CHFR: variants seen among roughly 807,000 people sequenced by gnomAD.
The protein encoded by CHFR is checkpoint with forkhead and ring finger domains.
CHFR carries 57 observed loss-of-function variants against 87.6 expected under a neutral mutation model. That is an observed-to-expected ratio of 0.65 (90% CI 0.53 to 0.81). CHFR has a LOEUF of 0.81. Among genes scored for constraint, CHFR ranks in the 30% least tolerant of loss-of-function variants. The probability of loss-of-function intolerance (pLI) is 0.00; values close to 1 mark genes in which losing one functional copy is unlikely to be tolerated. For missense variants in CHFR, 797 were observed against 865.8 expected (o/e 0.92, Z 1.00); for synonymous variants, 381 against 359.2 (o/e 1.06, Z -0.69).
chr12:132,841,270 C>T lies in CHFR; in HGVS notation c.*284G>A, dbSNP rs996057076. 9 of 354,378 alleles carry T rather than the reference C, an allele frequency of 2.5e-5. No homozygotes were observed. The highest frequency in any genetic ancestry group is 7.1e-5 in the South Asian group (1 of 14,022). The allele number at this position is 354,378 out of a possible 1,614,324, so 22.0% of individuals were successfully genotyped here. On this transcript the variant is annotated 3_prime_UTR_variant, in exon 18 of 18. Transcript: ENST00000450056. Reference sequence around the variant, plus strand: ...AAAAGAGCAAAACTGCCCCTCTCGGCGGGACGGCCGCATGTTACAGAAAGG... The same window carrying T: ...AAAAGAGCAAAACTGCCCCTCTCGGTGGGACGGCCGCATGTTACAGAAAGG...
At chr12:132,872,051 T>G (rs1951502335) in intron 4 of CHFR, 3 of 461,062 alleles carry the variant, frequency 6.5e-6, no homozygotes, top group Non-Finnish European at 1.2e-5. Flanking sequence ...ATTTTGGGAT[T>G]GGCTGCTCAT....
chr12:132,872,903 C>A (rs1029010745), intron 3 of CHFR, among the ~76,000 whole-genome samples: 3 of 152,178 alleles, frequency 2.0e-5, no homozygotes, highest in African/African-American at 7.2e-5. Context: ...AGCTTGTGGT[C>A]TGGCTGCCAA....
At chr12:132,843,117 T>C (rs1028946628) in intron 16 of CHFR, 34 bp from the exon 17 acceptor site, 2 of 1,587,780 alleles carry the variant, frequency 1.3e-6, no homozygotes, top group African/African-American at 2.7e-5. Flanking sequence ...ATCTATGAGA[T>C]GTATTGCACG....
chr12:132,869,816 A>G lies in CHFR; in HGVS notation c.404-18T>C. 1 of 1,551,260 alleles carries G rather than the reference A, an allele frequency of 6.4e-7. No homozygotes were observed. Among genetic ancestry groups the G allele is most frequent in the Non-Finnish European group, 8.7e-7 (1 of 1,146,954 alleles). ...TGAGGTATCTTTGGTCCCATGGAAC[A>G]CATTTTCCTTGTTAGCTTCTGTAAC... On this transcript the variant is annotated intron_variant, in intron 5 of 17. Coordinates refer to ENST00000450056, the MANE Select transcript of CHFR (RefSeq NM_001161346.2).
At chr12:132,844,669 C>T (rs1950779511) in intron 15 of CHFR, among the ~76,000 whole-genome samples, 2 of 151,974 alleles carry the variant, frequency 1.3e-5, no homozygotes, top group Non-Finnish European at 1.5e-5. Context: ...CTTGCTCTGT[C>T]GCCCAGGCTA....
intron 3 of CHFR, among the ~76,000 whole-genome samples, chr12:132,872,892 G>A (rs1951523629): frequency 6.6e-6 from 1 of 152,206 alleles, no homozygotes; most frequent in South Asian, 2.1e-4. Flanking sequence ...CCTGCACTCA[G>A]AGCTTGTGGT....
chr12:132,886,999 G>T (rs1282016222), intron 2 of CHFR, among the ~76,000 whole-genome samples, 197 bp downstream of exon 2: 9 of 152,246 alleles, frequency 5.9e-5, no homozygotes, highest in African/African-American at 2.2e-4. Context: ...TTATACAGTT[G>T]TAACGAAGGC....
chr12:132,853,751 C>T (rs146337818), intron 10 of CHFR, 178 bp from the exon 11 acceptor site: 11 of 686,590 alleles, frequency 1.6e-5, no homozygotes, highest in South Asian at 4.6e-5. Context: ...GGGACCAGAA[C>T]GAGTCGAAGG....
In CHFR at chr12:132,836,786, C is replaced by G. The variant is rs150580748; in HGVS notation, c.*4768G>C. 720 of 455,996 alleles carry G rather than the reference C, an allele frequency of 1.6e-3. 10 individuals carry two copies. The highest frequency in any genetic ancestry group is 0.014 in the African/African-American group (688 of 50,172). The allele number at this position is 455,996 out of a possible 1,614,324, so 28.2% of individuals were successfully genotyped here. A position where few individuals can be genotyped will look rare whatever the true frequency, so the allele number is the denominator to read the frequency against. On this transcript the variant is annotated 3_prime_UTR_variant, in exon 18 of 18. Transcript: ENST00000450056. ...TTGTGCCGCGGGAAAGATTTCAAGC[C>G]CAGGGGACGGCTCATCAGCTCATCA...
intron 6 of CHFR, among the ~76,000 whole-genome samples, chr12:132,863,617 C>A (rs572171722): frequency 6.6e-6 from 1 of 152,118 alleles, no homozygotes; most frequent in Non-Finnish European, 1.5e-5. Context: ...GATGGTGCTG[C>A]GTGTGAACTA....
rs577761697 is a variant in CHFR, at chr12:132,834,429, G to C, written c.*7125C>G. On this transcript the variant is annotated 3_prime_UTR_variant, in exon 18 of 18. Transcript: ENST00000450056. ...CAAAAACCAAACGGGATGAGTGTGT[G>C]GGGGGTAGTGAGCTTCCTGTGGCTG... 3.9e-5 allele frequency: 6 copies of C among 152,322 alleles called. No individual in the cohort carries two copies. Among genetic ancestry groups the C allele is most frequent in the African/African-American group, 9.7e-5 (4 of 41,440 alleles). The allele number at this position is 152,322 out of a possible 1,614,324, so 9.4% of individuals were successfully genotyped here.
At chr12:132,850,120 A>G (rs893372931) in intron 12 of CHFR, among the ~76,000 whole-genome samples, 2 of 152,024 alleles carry the variant, frequency 1.3e-5, no homozygotes, top group Admixed American at 6.6e-5. Flanking sequence ...TACACGGCTA[A>G]TTTTTTGTAA....
At position 132,887,272 on chromosome 12, in the gene CHFR, G is replaced by C; in HGVS notation, c.57C>G (p.Leu19=). The change falls in exon 2 of 18, where the codon CTC becomes CTG. Residue 19 remains leucine (L), a synonymous_variant. Coordinates refer to ENST00000450056, the MANE Select transcript of CHFR (RefSeq NM_001161346.2). ...CGCCCTCCTCCGCGCCCAGACGCAG[G>C]AGCCGTCCCCAGGGCTGCGGCGGCG... The part of the protein sequence containing the change: ...QSPPPQPWGR[L]LRLGAEEGEP... 2.0e-6 allele frequency: 3 copies of C among 1,499,394 alleles called. No homozygotes were observed. Among genetic ancestry groups the C allele is most frequent in the Non-Finnish European group, 2.7e-6 (3 of 1,131,432 alleles). The allele number at this position is 1,499,394 out of a possible 1,614,324, so 92.9% of individuals were successfully genotyped here.
At position 132,887,240 on chromosome 12, in the gene CHFR, T is replaced by C; in HGVS notation, c.89A>G (p.His30Arg). The change falls in exon 2 of 18, where the codon CAC (histidine) becomes CGC (arginine). Residue 30 changes from histidine to arginine, a missense_variant. His to Arg is a conservative substitution (Grantham distance 29). Around this residue, in one of 2 missense-constraint regions of CHFR, gnomAD observed 597 missense variants for 601.2 expected, o/e 0.99. Coordinates refer to ENST00000450056, the MANE Select transcript of CHFR (RefSeq NM_001161346.2). ...CCACTCCCGCTTCCTCAGGAGGACG[T>C]GCGGCTCGCCCTCCTCCGCGCCCAG... ...LRLGAEEGEP[H>R]VLLRKREWTI... is the part of the protein sequence containing the mutation. 2.0e-6 allele frequency: 3 copies of C among 1,503,936 alleles called. No individual in the cohort carries two copies. The highest frequency in any genetic ancestry group is 2.1e-5 in the Admixed American group (1 of 47,068). 93.2% of individuals were successfully genotyped at this position (1,503,936 alleles called of 1,614,324 possible). A position where few individuals can be genotyped will look rare whatever the true frequency, so the allele number is the denominator to read the frequency against.
intron 9 of CHFR, 59 bp from the exon 10 acceptor site, chr12:132,856,689 G>A: frequency 6.4e-7 from 1 of 1,565,320 alleles, no homozygotes; most frequent in Non-Finnish European, 8.8e-7. Flanking sequence ...GGCAGACACA[G>A]CTCACACTGC....
chr12:132,866,597 TTACAACACACCAGAAA>T (rs1951346028), intron 6 of CHFR: 1 of 149,522 alleles, frequency 6.7e-6, no homozygotes, highest in African/African-American at 2.5e-5. Context: ...CACCAGAAAG[TTACAACACACCAGAAA>T]GTTACAACAC....
In CHFR at chr12:132,887,269, C is replaced by T; in HGVS notation, c.60G>A (p.Leu20=). Residue 20 remains leucine (L), a synonymous_variant, in exon 2 of 18, where the codon CTG becomes CTA. Transcript: ENST00000450056. ...GCTCGCCCTCCTCCGCGCCCAGACG[C>T]AGGAGCCGTCCCCAGGGCTGCGGCG... is the stretch of plus-strand genomic sequence containing the variant. ...SPPPQPWGRL[L]RLGAEEGEPH... The T allele has an allele frequency of 6.7e-7, 1 of 1,499,654 alleles. No homozygotes were observed. Among genetic ancestry groups the T allele is most frequent in the Non-Finnish European group, 8.8e-7 (1 of 1,131,556 alleles). The allele number at this position is 1,499,654 out of a possible 1,614,324, so 92.9% of individuals were successfully genotyped here.
At chr12:132,870,867 TTTGTTTTTG>T in intron 4 of CHFR, 84 bp from the exon 5 acceptor site, 5 of 780,488 alleles carry the variant, frequency 6.4e-6, no homozygotes, top group Non-Finnish European at 1.1e-5. Flanking sequence ...CTCCAGTCCA[TTTGTTTTTG>T]TTGATTATTT....
At chr12:132,845,588 T>TGCA (rs1190265921) in intron 15 of CHFR, among the ~76,000 whole-genome samples, 2 of 152,228 alleles carry the variant, frequency 1.3e-5, no homozygotes, top group Non-Finnish European at 2.9e-5. Context: ...AGGTCGAGGC[T>TGCA]GCAGTGAGCT....
Sources: gnomAD v4.1 joint callset for allele counts (sites outside exome capture counted in the v4.1 genomes callset) on GRCh38, gnomAD v4.1.1 for gene constraint, gnomAD v4.1.1 regional missense constraint, MANE v1.5 for transcripts, NCBI Gene and HGNC (gene_info 2026-07-23, HGNC 2026-07-21) for gene names.